Variants in MRPS27 observed in about 807,000 individuals in gnomAD.
MRPS27 encodes the protein mitochondrial ribosomal protein S27.
A neutral mutation model predicts 48.9 loss-of-function variants in MRPS27; 43 were observed. That is an observed-to-expected ratio of 0.88 (90% CI 0.69 to 1.13). The LOEUF is 1.13. MRPS27 is among the 50% of genes most tolerant of loss of function. The pLI is 0.00. For synonymous variants in MRPS27, 188 were observed against 171.9 expected (o/e 1.09, Z -0.73); for missense variants, 467 against 476.3 (o/e 0.98, Z 0.18).
At chr5:72,241,022 G>C (rs1237687046) in intron 4 of MRPS27, among the ~76,000 whole-genome samples, 1 of 152,164 alleles carries the variant, frequency 6.6e-6, no homozygotes, top group Non-Finnish European at 1.5e-5. Flanking sequence ...ATTATGTCTA[G>C]GGCATTTTCT....
At chr5:72,258,120 G>A (rs1429952195) in intron 4 of MRPS27, among the ~76,000 whole-genome samples, 1 of 150,628 alleles carries the variant, frequency 6.6e-6, no homozygotes, top group Non-Finnish European at 1.5e-5. Context: ...GAGAATGACT[G>A]GGAAGCTTAA....
At chr5:72,251,032 C>CT (rs1333007228) in intron 4 of MRPS27, among the ~76,000 whole-genome samples, 1 of 152,186 alleles carries the variant, frequency 6.6e-6, no homozygotes, top group Admixed American at 6.5e-5. Context: ...ATTAAAATGC[C>CT]TGGCACATGG....
At chr5:72,253,237 A>G (rs1328554919) in intron 4 of MRPS27, among the ~76,000 whole-genome samples, 1 of 152,044 alleles carries the variant, frequency 6.6e-6, no homozygotes, top group East Asian at 1.9e-4. Flanking sequence ...CTCCTCTCCC[A>G]GTCTCTTATT....
At chr5:72,261,258 T>C (rs1748965210) in intron 4 of MRPS27, among the ~76,000 whole-genome samples, 1 of 152,032 alleles carries the variant, frequency 6.6e-6, no homozygotes, top group African/African-American at 2.4e-5. Flanking sequence ...TATGTATGTA[T>C]GTATGTATGT....
At position 72,226,198 on chromosome 5, in the gene MRPS27, C is replaced by T. The variant is rs1387445454; in HGVS notation, c.696G>A (p.Gly232=). 2 of 1,613,454 alleles carry T rather than the reference C, an allele frequency of 1.2e-6. No individual in the cohort carries two copies. Among genetic ancestry groups the T allele is most frequent in the Non-Finnish European group, 1.7e-6 (2 of 1,179,646 alleles). Residue 232 remains glycine, a splice_region_variant and synonymous_variant, in exon 9 of 11, where the codon GGG becomes GGA. Coordinates refer to ENST00000261413, the MANE Select transcript of MRPS27 (RefSeq NM_015084.3). ...GTAGCCCTTGCTGCAACTCCACCTT[C>T]CCTGTGGCCAAAAAGAACAATAAAG... The part of the protein sequence containing the change: ...SSQLYGYALL[G]KVELQQGLRA...
chr5:72,309,431 AT>A (rs1446473777), intron 2 of MRPS27, among the ~76,000 whole-genome samples: 1 of 151,884 alleles, frequency 6.6e-6, no homozygotes, highest in Non-Finnish European at 1.5e-5. Flanking sequence ...ACGCCCGGCT[AT>A]TTTGTAATTT....
chr5:72,268,389 GT>G (rs1252538607), intron 4 of MRPS27, among the ~76,000 whole-genome samples: 2 of 152,154 alleles, frequency 1.3e-5, no homozygotes, highest in Non-Finnish European at 2.9e-5. Flanking sequence ...CTACACAAAT[GT>G]TTCTGAATAG....
At chr5:72,255,678 G>A (rs1385867962) in intron 4 of MRPS27, among the ~76,000 whole-genome samples, 3 of 152,110 alleles carry the variant, frequency 2.0e-5, no homozygotes, top group African/African-American at 4.8e-5. Flanking sequence ...CCCTATATAA[G>A]GTAAGTATAT....
At chr5:72,229,540 G>C (rs142292514) in intron 7 of MRPS27, 1 of 151,950 alleles carries the variant, frequency 6.6e-6, no homozygotes, top group East Asian at 1.9e-4. Flanking sequence ...TGAAAAGTAG[G>C]GCCGACAAAT....
In MRPS27 at chr5:72,319,904, T is replaced by G; in HGVS notation, c.73+245A>C. 4 of 525,222 alleles carry G rather than the reference T, an allele frequency of 7.6e-6. No homozygotes were observed. The South Asian group carries it at 9.5e-5, about 12-fold the overall frequency. The allele number at this position is 525,222 out of a possible 1,614,324, so 32.5% of individuals were successfully genotyped here. A position where few individuals can be genotyped will look rare whatever the true frequency, so the allele number is the denominator to read the frequency against. ...CCCAACACATAAATCTGGCGAATCA[T>G]ACGCAAATTCCCTCATGCTATATAA... On this transcript the variant is annotated intron_variant, in intron 1 of 10. Coordinates refer to ENST00000261413, the MANE Select transcript of MRPS27 (RefSeq NM_015084.3).
chr5:72,221,082 G>A lies in MRPS27; in HGVS notation c.1072C>T (p.Gln358Ter), dbSNP rs1229984083. 1 of 1,614,162 alleles carries A rather than the reference G, an allele frequency of 6.2e-7. No individual in the cohort carries two copies. The highest frequency in any genetic ancestry group is 8.5e-7 in the Non-Finnish European group (1 of 1,180,004). Reference protein sequence around the residue: ...ESEGLLSLTTQLVKEKLSTCE... With the variant: ...ESEGLLSLTT ...GTGGAGAGTTTTTCCTTGACAAGCT[G>A]GGTGGTCAGACTTAAAAGACCTTCT... is the stretch of plus-strand genomic sequence containing the variant. Residue 358 changes from glutamine (Q) to a stop codon, truncating the protein, a stop_gained, in exon 11 of 11, where the codon CAG becomes TAG. Transcript: ENST00000261413. LOFTEE classifies it low-confidence loss of function (END_TRUNC).
At chr5:72,253,754 T>C (rs1297008619) in intron 4 of MRPS27, among the ~76,000 whole-genome samples, 2 of 152,226 alleles carry the variant, frequency 1.3e-5, no homozygotes, top group Non-Finnish European at 2.9e-5. Flanking sequence ...ATATGGATGG[T>C]GTGCTCAGTG....
intron 10 of MRPS27, 141 bp from the exon 11 acceptor site, chr5:72,221,289 G>A (rs550403921): frequency 3.3e-4 from 355 of 1,072,686 alleles, no homozygotes; most frequent in Non-Finnish European, 4.2e-4. Context: ...CATTCTAGTG[G>A]CCCAGAATGA....
intron 4 of MRPS27, among the ~76,000 whole-genome samples, chr5:72,254,760 C>T (rs1748752211): frequency 6.6e-6 from 1 of 152,138 alleles, no homozygotes; most frequent in Non-Finnish European, 1.5e-5. Context: ...TCATTAGGTA[C>T]ATTTTATTTT....
At chr5:72,244,169 A>T (rs1748443838) in intron 4 of MRPS27, among the ~76,000 whole-genome samples, 1 of 152,100 alleles carries the variant, frequency 6.6e-6, no homozygotes, top group South Asian at 2.1e-4. Context: ...TAGTCATTAG[A>T]CCTTCTGGAA....
intron 10 of MRPS27, 128 bp from the exon 11 acceptor site, chr5:72,221,276 C>T: frequency 8.3e-7 from 1 of 1,200,642 alleles, no homozygotes; most frequent in Admixed American, 2.4e-5. Context: ...GTAGTTTAGT[C>T]CTCATTCTAG....
At chr5:72,273,898 T>TA (rs1436002806) in intron 4 of MRPS27, among the ~76,000 whole-genome samples, 2 of 152,254 alleles carry the variant, frequency 1.3e-5, no homozygotes, top group Admixed American at 6.5e-5. Flanking sequence ...TTTAAAAACT[T>TA]AATTTTTTAG....
At chr5:72,223,122 G>A (rs1345792774) in intron 10 of MRPS27, among the ~76,000 whole-genome samples, 1 of 152,204 alleles carries the variant, frequency 6.6e-6, no homozygotes, top group African/African-American at 2.4e-5. Context: ...GATGTACAGA[G>A]TTAGAAGCTA....
intron 4 of MRPS27, among the ~76,000 whole-genome samples, chr5:72,280,755 T>A (rs1438466564): frequency 6.6e-6 from 1 of 152,214 alleles, no homozygotes; most frequent in Non-Finnish European, 1.5e-5. Flanking sequence ...GTCTAATCTG[T>A]ATTTTGATTA....
Sources: gnomAD v4.1 joint callset for allele counts (sites outside exome capture counted in the v4.1 genomes callset) on GRCh38, gnomAD v4.1.1 for gene constraint, MANE v1.5 for transcripts, NCBI Gene and HGNC (gene_info 2026-07-23, HGNC 2026-07-21) for gene names.